RYK: variants seen among roughly 807,000 people sequenced by gnomAD.
The protein encoded by RYK is inactive tyrosine-protein kinase RYK.
In RYK, 21 loss-of-function variants were observed where a neutral mutation model predicts 70.2. That is an observed-to-expected ratio of 0.30 (90% confidence interval 0.21 to 0.43). The LOEUF (loss-of-function observed/expected upper bound fraction) is 0.43, where lower values mean the gene tolerates loss of function less well. Among genes scored for constraint, RYK ranks in the 20% least tolerant of loss-of-function variants. RYK has a pLI of 1.00. For missense variants in RYK, 604 were observed against 753.3 expected (o/e 0.80, Z 2.32); for synonymous variants, 267 against 278.0 (o/e 0.96, Z 0.39).
chr3:134,213,139 G>C (rs1465231337), intron 2 of RYK, among the ~76,000 whole-genome samples: 1 of 152,104 alleles, frequency 6.6e-6, no homozygotes, highest in Non-Finnish European at 1.5e-5. Context: ...GAATGAGCAA[G>C]CTCTCCAGCA....
intron 1 of RYK, among the ~76,000 whole-genome samples, chr3:134,242,555 A>G (rs2015351521): frequency 6.6e-6 from 1 of 152,242 alleles, no homozygotes; most frequent in Admixed American, 6.5e-5. Flanking sequence ...ACATAATTTT[A>G]GAGTAGCTAA....
intron 4 of RYK, among the ~76,000 whole-genome samples, chr3:134,208,414 C>G (rs2014281260): frequency 6.6e-6 from 1 of 152,204 alleles, no homozygotes; most frequent in Admixed American, 6.5e-5. Context: ...CTCCTTATAT[C>G]AAATATATAA....
intron 5 of RYK, among the ~76,000 whole-genome samples, chr3:134,204,207 G>C (rs2014127360): frequency 6.6e-6 from 1 of 151,998 alleles, no homozygotes; most frequent in African/African-American, 2.4e-5. Context: ...TTTAAAAAGA[G>C]AGGCAAGCTG....
At chr3:134,181,125 T>C (rs1214960023) in intron 10 of RYK, 1 of 152,246 alleles carries the variant, frequency 6.6e-6, no homozygotes, top group Non-Finnish European at 1.5e-5. Context: ...CTCACTTCTG[T>C]GCTGAAGTGA....
At chr3:134,166,042 T>C (rs2108142786) in intron 13 of RYK, among the ~76,000 whole-genome samples, 1 of 152,320 alleles carries the variant, frequency 6.6e-6, no homozygotes, top group East Asian at 1.9e-4. Flanking sequence ...TGAATGTATT[T>C]TGCATGTGAG....
intron 9 of RYK, among the ~76,000 whole-genome samples, chr3:134,184,196 T>G (rs1468918785): frequency 6.6e-6 from 1 of 152,202 alleles, no homozygotes; most frequent in Admixed American, 6.5e-5. Flanking sequence ...ATAACCAAAA[T>G]TAGAATTATG....
intron 9 of RYK, among the ~76,000 whole-genome samples, chr3:134,184,268 T>A (rs1038211272): frequency 6.6e-6 from 1 of 152,200 alleles, no homozygotes; most frequent in Non-Finnish European, 1.5e-5. Flanking sequence ...ACAGAACAAA[T>A]GAACTTTTAG....
intron 13 of RYK, among the ~76,000 whole-genome samples, chr3:134,172,521 G>C (rs995233997): frequency 4.6e-5 from 7 of 152,216 alleles, no homozygotes; most frequent in Non-Finnish European, 4.4e-5. Flanking sequence ...TCAAAGAGTA[G>C]AACTAGTCCT....
intron 6 of RYK, among the ~76,000 whole-genome samples, chr3:134,196,045 G>A (rs1018599810): frequency 1.3e-5 from 2 of 151,986 alleles, no homozygotes; most frequent in Non-Finnish European, 2.9e-5. Context: ...CAACTTCTGG[G>A]AAATCTCTAG....
At chr3:134,230,308 T>C (rs897256058) in intron 1 of RYK, among the ~76,000 whole-genome samples, 7 of 152,192 alleles carry the variant, frequency 4.6e-5, no homozygotes, top group Non-Finnish European at 7.3e-5. Flanking sequence ...ACTGGTCTCC[T>C]GACCTCAAGT....
intron 5 of RYK, among the ~76,000 whole-genome samples, chr3:134,207,111 A>C (rs2014237800): frequency 6.6e-6 from 1 of 152,198 alleles, no homozygotes. Flanking sequence ...CCTGGATGAA[A>C]TTAGCTTAAG....
chr3:134,212,684 G>GA (rs1425267893), intron 2 of RYK, among the ~76,000 whole-genome samples: 3 of 152,110 alleles, frequency 2.0e-5, no homozygotes, highest in Non-Finnish European at 4.4e-5. Context: ...ATATGCTAGT[G>GA]AAAAAAGCTA....
At chr3:134,236,811 G>A (rs1024419728) in intron 1 of RYK, among the ~76,000 whole-genome samples, 1 of 152,140 alleles carries the variant, frequency 6.6e-6, no homozygotes, top group Admixed American at 6.6e-5. Flanking sequence ...CAAGAGACAA[G>A]GGGGCTGTGC....
chr3:134,204,591 C>CCACAGTCACACACA (rs58130864), intron 5 of RYK, among the ~76,000 whole-genome samples: 1 of 140,694 alleles, frequency 7.1e-6, no homozygotes, highest in African/African-American at 2.7e-5. Context: ...ACAGCCACAG[C>CCACAGTCACACACA]CACACACACA....
At chr3:134,216,820 A>AAAAAAAAC (rs2014568259) in intron 2 of RYK, among the ~76,000 whole-genome samples, 1 of 148,650 alleles carries the variant, frequency 6.7e-6, no homozygotes, top group Non-Finnish European at 1.5e-5. Flanking sequence ...AAAAAAAAAA[A>AAAAAAAAC]AGCTACTGAC....
intron 13 of RYK, among the ~76,000 whole-genome samples, chr3:134,161,462 C>T (rs996141190): frequency 6.6e-5 from 10 of 152,130 alleles, no homozygotes; most frequent in Admixed American, 3.3e-4. Flanking sequence ...AAAATGCCTC[C>T]GGACATAGCC....
At chr3:134,217,342 G>A (rs2014587772) in intron 2 of RYK, among the ~76,000 whole-genome samples, 1 of 152,174 alleles carries the variant, frequency 6.6e-6, no homozygotes, top group Non-Finnish European at 1.5e-5. Flanking sequence ...ATGATCAGGT[G>A]ACAAACCCTT....
intron 8 of RYK, among the ~76,000 whole-genome samples, chr3:134,189,754 AAAAAAAC>A (rs1576512079): frequency 1.9e-4 from 28 of 150,910 alleles, no homozygotes; most frequent in African/African-American, 5.4e-4. Flanking sequence ...AAAAAAAAAA[AAAAAAAC>A]AAAAAACAAA....
At chr3:134,207,599 A>T in intron 4 of RYK, 74 bp from the exon 5 acceptor site, 1 of 987,364 alleles carries the variant, frequency 1.0e-6, no homozygotes, top group Non-Finnish European at 1.5e-6. Context: ...TATAATTATC[A>T]GAACATTGCT....
Sources: gnomAD v4.1 joint callset for allele counts (sites outside exome capture counted in the v4.1 genomes callset) on GRCh38, gnomAD v4.1.1 for gene constraint, MANE v1.5 for transcripts, NCBI Gene and HGNC (gene_info 2026-07-23, HGNC 2026-07-21) for gene names.